The following TPD52 variants were observed in gnomAD, a reference collection of about 807,000 sequenced individuals.
TPD52 encodes tumor protein D52.
Under a neutral mutation model 31.3 loss-of-function variants are expected in TPD52, and 17 were observed. The observed-to-expected ratio is 0.54, with a 90% CI of 0.37 to 0.82. The LOEUF (loss-of-function observed/expected upper bound fraction) is 0.82, where lower values mean the gene tolerates loss of function less well. Among genes scored for constraint, TPD52 ranks in the 40% least tolerant of loss-of-function variants. The probability of loss-of-function intolerance (pLI) is 0.00; values close to 1 mark genes in which losing one functional copy is unlikely to be tolerated. For missense variants in TPD52, 212 were observed against 240.1 expected (o/e 0.88, Z 0.77); for synonymous variants, 83 against 89.6 (o/e 0.93, Z 0.42).
intron 1 of TPD52, chr8:80,080,292 A>T (rs1815105652): frequency 6.2e-7 from 1 of 1,609,956 alleles, no homozygotes. Context: ...AAGCAAACTT[A>T]ACTTTACAAA....
At chr8:80,044,058 T>C (rs1810608682) in intron 6 of TPD52, 109 bp downstream of exon 6, 1 of 919,754 alleles carries the variant, frequency 1.1e-6, no homozygotes. Flanking sequence ...ACACACAGCT[T>C]GTTTCAAGGG....
At chr8:80,032,151 T>TCA (rs1809709050), downstream of TPD52, among the ~76,000 whole-genome samples, 1 of 59,322 alleles carries the variant, frequency 1.7e-5, no homozygotes, top group Non-Finnish European at 2.7e-5. Context: ...AGACTCCAGC[T>TCA]CAAAAAAAAA....
rs1042430875 is a variant in TPD52 at position 80,035,203 on chromosome 8, G to A, written c.*2913C>T. On this transcript the variant is annotated 3_prime_UTR_variant, in exon 8 of 8. Coordinates refer to ENST00000518937, the MANE Select transcript of TPD52 (RefSeq NM_001025253.3). ...TTAAGAGCTATAAATAAAACACATG[G>A]CCGGGTGCATGCCTATAGTCCTAGC... The A allele has an allele frequency of 6.6e-6, 1 of 152,170 alleles. No individual in the cohort carries two copies. The highest frequency in any genetic ancestry group is 1.5e-5 in the Non-Finnish European group (1 of 68,024). 9.4% of individuals were successfully genotyped at this position (152,170 alleles called of 1,614,324 possible). A position where few individuals can be genotyped will look rare whatever the true frequency, so the allele number is the denominator to read the frequency against.
At chr8:80,063,283 A>C (rs1375490932) in intron 2 of TPD52, among the ~76,000 whole-genome samples, 1 of 152,264 alleles carries the variant, frequency 6.6e-6, no homozygotes, top group African/African-American at 2.4e-5. Flanking sequence ...GAAGGGAAAG[A>C]ACCCAAATAC....
intron 1 of TPD52, among the ~76,000 whole-genome samples, chr8:80,124,749 C>T (rs1808486036): frequency 6.6e-6 from 1 of 152,020 alleles, no homozygotes; most frequent in Non-Finnish European, 1.5e-5. Flanking sequence ...TGATGTTGAT[C>T]ATCTTTTTTG....
intron 7 of TPD52, chr8:80,042,108 T>C: frequency 1.8e-5 from 16 of 876,876 alleles, no homozygotes; most frequent in Non-Finnish European, 2.0e-5. Context: ...AAAAGTAATA[T>C]ACAAGCAGCC....
At chr8:80,089,131 T>C (rs1816056080) in intron 1 of TPD52, among the ~76,000 whole-genome samples, 1 of 152,218 alleles carries the variant, frequency 6.6e-6, no homozygotes, top group Admixed American at 6.5e-5. Context: ...TCTATGGTAT[T>C]GTTATTGCGG....
In TPD52 at chr8:80,111,317, T is replaced by C. The variant is rs775727585; in HGVS notation, c.20-46724A>G. On this transcript the variant is annotated intron_variant, in intron 1 of 7. Coordinates refer to ENST00000518937, the MANE Select transcript of TPD52 (RefSeq NM_001025253.3). ...CATATTCTGGAGGCCCTGACTTTGATTGGCATCTGAAGTGGGGGACAGTCT... is the reference window on the plus strand; with the variant it reads ...CATATTCTGGAGGCCCTGACTTTGACTGGCATCTGAAGTGGGGGACAGTCT... Among the ~76,000 whole-genome samples the C allele has an allele frequency of 8.5e-5, 13 of 152,352 alleles. No homozygotes were observed. In the East Asian group the frequency reaches 9.6e-4, roughly 11 times the overall value.
At chr8:80,059,097 C>T (rs1025013729) in intron 2 of TPD52, among the ~76,000 whole-genome samples, 3 of 152,098 alleles carry the variant, frequency 2.0e-5, no homozygotes, top group African/African-American at 7.2e-5. Context: ...AACTTAAAGT[C>T]ATACAAAGCA....
intron 1 of TPD52, among the ~76,000 whole-genome samples, chr8:80,089,587 G>C (rs1816097075): frequency 6.6e-6 from 1 of 152,120 alleles, no homozygotes. Context: ...CCTATGAAAA[G>C]GAGTGGAAAA....
intron 1 of TPD52, among the ~76,000 whole-genome samples, chr8:80,116,466 G>A (rs369174904): frequency 3.8e-4 from 19 of 50,576 alleles, no homozygotes; most frequent in African/African-American, 9.7e-4. Flanking sequence ...AGAATAAACA[G>A]AAAATCTGAA....
At chr8:80,110,850 C>T (rs1047954039) in intron 1 of TPD52, among the ~76,000 whole-genome samples, 2 of 152,194 alleles carry the variant, frequency 1.3e-5, no homozygotes, top group African/African-American at 4.8e-5. Context: ...CCTCTTGCCC[C>T]TCCTGGAGGA....
intron 1 of TPD52, among the ~76,000 whole-genome samples, chr8:80,152,190 G>A (rs907497448): frequency 2.6e-5 from 4 of 152,036 alleles, no homozygotes; most frequent in African/African-American, 7.3e-5. Context: ...CCGACCCCAG[G>A]AGCAGGAGGT....
At chr8:80,063,232 G>A (rs1812735839) in intron 2 of TPD52, among the ~76,000 whole-genome samples, 1 of 152,174 alleles carries the variant, frequency 6.6e-6, no homozygotes, top group Admixed American at 6.5e-5. Flanking sequence ...ACATAATGAA[G>A]CACAGATATG....
intron 1 of TPD52, among the ~76,000 whole-genome samples, chr8:80,069,346 G>C (rs986065050): frequency 6.6e-6 from 1 of 152,034 alleles, no homozygotes; most frequent in African/African-American, 2.4e-5. Flanking sequence ...TGCACCTGTA[G>C]TCCCAGCTAC....
chr8:80,130,145 C>T (rs563743171), intron 1 of TPD52, among the ~76,000 whole-genome samples: 1 of 152,014 alleles, frequency 6.6e-6, no homozygotes, highest in East Asian at 1.9e-4. Flanking sequence ...AGAGCATCTG[C>T]TGAGATGAAG....
chr8:80,141,507 C>T (rs1052418847), intron 1 of TPD52, among the ~76,000 whole-genome samples: 1 of 152,198 alleles, frequency 6.6e-6, no homozygotes. Flanking sequence ...GATCCTCCAG[C>T]CCTGAGATGA....
chr8:80,073,270 C>T (rs927647231), intron 1 of TPD52, among the ~76,000 whole-genome samples: 1 of 152,126 alleles, frequency 6.6e-6, no homozygotes, highest in Non-Finnish European at 1.5e-5. Context: ...CATTCAGTGA[C>T]ATCAATTATA....
intron 1 of TPD52, among the ~76,000 whole-genome samples, chr8:80,147,661 T>A (rs923898204): frequency 5.3e-5 from 8 of 151,974 alleles, no homozygotes; most frequent in Admixed American, 5.2e-4. Context: ...ATCCTTACAT[T>A]TGCAGGGGTT....
Sources: gnomAD v4.1 joint callset for allele counts (sites outside exome capture counted in the v4.1 genomes callset) on GRCh38, gnomAD v4.1.1 for gene constraint, MANE v1.5 for transcripts, NCBI Gene and HGNC (gene_info 2026-07-23, HGNC 2026-07-21) for gene names.